Variants in SDR16C5 observed in about 807,000 individuals in gnomAD.
SDR16C5 encodes short chain dehydrogenase/reductase family 16C member 5.
Under a neutral mutation model 27.7 loss-of-function variants are expected in SDR16C5, and 20 were observed. That is an observed-to-expected ratio of 0.72 (90% CI 0.51 to 1.05). The LOEUF is 1.05. Among genes scored for constraint, SDR16C5 ranks in the 50% least tolerant of loss-of-function variants. The pLI is 0.00. For missense variants in SDR16C5, 374 were observed against 366.3 expected, an observed-to-expected ratio of 1.02 and a Z score of -0.17; for synonymous variants, 139 against 132.3, an observed-to-expected ratio of 1.05 and a Z score of -0.35.
chr8:56,301,484 A>G lies in SDR16C5; in HGVS notation c.926T>C (p.Leu309Pro). ...MDGFVDQKKK[L>P] ...CCTTAGCCATAGAGTTGGTCTTTAGAGCTTCTTCTTTTGGTCAACAAAGCC... is the reference window on the plus strand; with the variant it reads ...CCTTAGCCATAGAGTTGGTCTTTAGGGCTTCTTCTTTTGGTCAACAAAGCC... Residue 309 changes from leucine (L) to proline (P), a missense_variant, in exon 7 of 7, where the codon CTC (leucine) becomes CCC (proline). Coordinates refer to ENST00000303749, the MANE Select transcript of SDR16C5 (RefSeq NM_138969.4). 6.2e-7 allele frequency: 1 copy of G among 1,612,028 alleles called. No homozygotes were observed. The highest frequency in any genetic ancestry group is 8.5e-7 in the Non-Finnish European group (1 of 1,178,044).
chr8:56,308,916 T>C lies in SDR16C5; in HGVS notation c.565+12A>G, dbSNP rs771655081. 10 of 1,594,748 alleles carry C rather than the reference T, an allele frequency of 6.3e-6. No individual in the cohort carries two copies. Among genetic ancestry groups the C allele is most frequent in the Non-Finnish European group, 8.6e-6 (10 of 1,168,006 alleles). ...GGAATTTTGCAATTGTAAATTGCTA[T>C]GTTTTTCTTACCTGCCAGCCCATTT... On this transcript the variant is annotated intron_variant, in intron 4 of 6. Transcript: ENST00000303749.
chr8:56,305,850 T>C (rs1347281835), intron 5 of SDR16C5, 128 bp from the exon 6 acceptor site: 14 of 931,822 alleles, frequency 1.5e-5, no homozygotes, highest in Non-Finnish European at 2.2e-5. Flanking sequence ...TTCAATTTCA[T>C]TTATTTTTAT....
chr8:56,314,146 G>A (rs988438216), intron 2 of SDR16C5, among the ~76,000 whole-genome samples: 1 of 151,994 alleles, frequency 6.6e-6, no homozygotes, highest in Non-Finnish European at 1.5e-5. Context: ...GGTGGAGTTT[G>A]CAGTGAGCCA....
intron 2 of SDR16C5, 39 bp from the exon 3 acceptor site, chr8:56,312,327 C>A: frequency 6.3e-7 from 1 of 1,578,776 alleles, no homozygotes; most frequent in East Asian, 2.2e-5. Flanking sequence ...TGTAGTAATT[C>A]CTTACATGGG....
intron 2 of SDR16C5, 89 bp downstream of exon 2, chr8:56,315,926 A>G (rs1815180392): frequency 3.5e-6 from 3 of 852,588 alleles, no homozygotes; most frequent in Non-Finnish European, 5.7e-6. Context: ...TTAAAGGGAC[A>G]CTGGAGACAG....
chr8:56,306,660 T>G lies in SDR16C5; in HGVS notation c.710+16A>C, dbSNP rs1446811785. 1.7e-5 allele frequency: 26 copies of G among 1,562,278 alleles called. No homozygotes were observed. The highest frequency in any genetic ancestry group is 2.2e-5 in the Non-Finnish European group (26 of 1,158,692). ...TTTAAGAGTGTAGATTCTTTGAAAT[T>G]AAAGGACATACTTACCCTGTAGTAC... On this transcript the variant is annotated intron_variant, in intron 5 of 6. Transcript: ENST00000303749.
chr8:56,316,377 G>A lies in SDR16C5; in HGVS notation c.-14-16C>T. The A allele has an allele frequency of 6.7e-7, 1 of 1,489,932 alleles. No individual in the cohort carries two copies. The highest frequency in any genetic ancestry group is 1.1e-5 in the South Asian group (1 of 87,704). 92.3% of individuals were successfully genotyped at this position (1,489,932 alleles called of 1,614,324 possible). ...TGGCTGACACCTGTGAAGAAAGACA[G>A]ATTCACATGAAGACTTATTTGTCCA... On this transcript the variant is annotated splice_polypyrimidine_tract_variant and intron_variant, in intron 1 of 6. Transcript: ENST00000303749.
Position 56,305,738 on chromosome 8 carries a change from A to C in SDR16C5, c.711-16T>G. Reference sequence around the variant, plus strand: ...AGAAGGACAGCTAGGATATAAAATGACAACAATTAAAAAAAACCCTGAAGG... The same window carrying C: ...AGAAGGACAGCTAGGATATAAAATGCCAACAATTAAAAAAAACCCTGAAGG... On this transcript the variant is annotated splice_polypyrimidine_tract_variant and intron_variant, in intron 5 of 6. Transcript: ENST00000303749. 5.1e-6 allele frequency: 8 copies of C among 1,567,658 alleles called. No individual in the cohort carries two copies. The highest frequency in any genetic ancestry group is 6.9e-6 in the Non-Finnish European group (8 of 1,167,122).
Position 56,312,251 on chromosome 8 carries a change from T to C in SDR16C5, c.371A>G (p.Asn124Ser), listed in dbSNP as rs375505432. The change falls in exon 3 of 7, where the codon AAC (asparagine) becomes AGC (serine). Residue 124 changes from asparagine (N) to serine (S), a missense_variant. By Grantham distance (46) the Asn-to-Ser change is conservative (BLOSUM62 1). Coordinates refer to ENST00000303749, the MANE Select transcript of SDR16C5 (RefSeq NM_138969.4). Reference protein sequence around the residue: ...KEVGDVSILINNAGIVTGKKF... With the variant: ...KEVGDVSILISNAGIVTGKKF... ...TTTGCCTGTTACGATTCCGGCATTG[T>C]TGATTAGGATGGAAACATCGCCGAC... 2 of 1,613,612 alleles carry C rather than the reference T, an allele frequency of 1.2e-6. No individual in the cohort carries two copies. The highest frequency in any genetic ancestry group is 2.7e-5 in the African/African-American group (2 of 74,928).
In SDR16C5 at chr8:56,316,824, C is replaced by T. The variant is rs554511793; in HGVS notation, c.-14-463G>A. The stretch of plus-strand genomic sequence containing the variant: ...CTCTCCTTTGATGTTTGTGCTTTCT[C>T]ATTTGCATTCTCGTTAATTTTGCAT... On this transcript the variant is annotated intron_variant, in intron 1 of 6. Transcript: ENST00000303749. Among the ~76,000 whole-genome samples, 5 of 152,328 alleles carry T rather than the reference C, an allele frequency of 3.3e-5. No homozygotes were observed. In the South Asian group the frequency reaches 1.0e-3, roughly 32 times the overall value.
intron 5 of SDR16C5, 110 bp downstream of exon 5, chr8:56,306,566 A>T: frequency 3.0e-6 from 3 of 1,004,664 alleles, no homozygotes; most frequent in Non-Finnish European, 4.2e-6. Context: ...TTTATAAATC[A>T]TACTGAATCC....
intron 1 of SDR16C5, among the ~76,000 whole-genome samples, chr8:56,317,783 G>C (rs1298783480): frequency 6.6e-6 from 1 of 152,174 alleles, no homozygotes. Flanking sequence ...TATGTGACTT[G>C]TTCAGGGTCC....
intron 4 of SDR16C5, among the ~76,000 whole-genome samples, chr8:56,307,692 T>C (rs928322952): frequency 1.3e-5 from 2 of 152,188 alleles, no homozygotes; most frequent in Non-Finnish European, 2.9e-5. Context: ...GAGCAGCTTC[T>C]AGGGTCATTG....
At chr8:56,309,952 A>G (rs544856784) in intron 3 of SDR16C5, among the ~76,000 whole-genome samples, 2 of 151,948 alleles carry the variant, frequency 1.3e-5, no homozygotes, top group South Asian at 2.1e-4. Flanking sequence ...AAGAATGTAC[A>G]TGAACTTGCC....
In SDR16C5 at chr8:56,300,131, C is replaced by T. The variant is rs573773690; in HGVS notation, c.*1349G>A. 6.6e-6 allele frequency: 1 copy of T among 151,552 alleles called. No homozygotes were observed. The highest frequency in any genetic ancestry group is 6.6e-5 in the Admixed American group (1 of 15,228). 9.4% of individuals were successfully genotyped at this position (151,552 alleles called of 1,614,324 possible). On this transcript the variant is annotated 3_prime_UTR_variant, in exon 7 of 7. Coordinates refer to ENST00000303749, the MANE Select transcript of SDR16C5 (RefSeq NM_138969.4). ...CAAATACTTAATTTGCTGCCGGGCACAGTAAATGTTAGTTATGATTGTTAT... is the reference window on the plus strand; with the variant it reads ...CAAATACTTAATTTGCTGCCGGGCATAGTAAATGTTAGTTATGATTGTTAT...
chr8:56,308,481 T>C (rs1016972209), intron 4 of SDR16C5, among the ~76,000 whole-genome samples: 3 of 152,162 alleles, frequency 2.0e-5, no homozygotes, highest in South Asian at 2.1e-4. Flanking sequence ...CTTCAACCAG[T>C]GGAAAAACAA....
chr8:56,313,873 G>A (rs886456923), intron 2 of SDR16C5, among the ~76,000 whole-genome samples: 5 of 152,076 alleles, frequency 3.3e-5, no homozygotes, highest in Admixed American at 3.3e-4. Context: ...CACTCTGAAA[G>A]CTTTCTCTTT....
chr8:56,317,076 T>C (rs1004107284), intron 1 of SDR16C5, among the ~76,000 whole-genome samples: 2 of 152,212 alleles, frequency 1.3e-5, no homozygotes, highest in Admixed American at 1.3e-4. Context: ...TGCCCTGCAC[T>C]GCCTCTGCCT....
At chr8:56,311,938 T>C (rs1431107001) in intron 3 of SDR16C5, among the ~76,000 whole-genome samples, 1 of 152,144 alleles carries the variant, frequency 6.6e-6, no homozygotes, top group Non-Finnish European at 1.5e-5. Context: ...AGCAGGACCA[T>C]GAGGACAGTT....
Sources: allele counts gnomAD v4.1 joint callset (sites outside exome capture counted in the v4.1 genomes callset), GRCh38; gene constraint gnomAD v4.1.1; transcripts MANE v1.5; gene names NCBI Gene and HGNC (gene_info 2026-07-23, HGNC 2026-07-21).